Variants in CYREN observed in about 807,000 individuals in gnomAD.
CYREN encodes the protein cell cycle regulator of NHEJ.
A neutral mutation model predicts 9.7 loss-of-function variants in CYREN; 7 were observed. The ratio of observed to expected loss-of-function variants is 0.72; its 90% CI spans 0.41 to 1.36. The LOEUF (loss-of-function observed/expected upper bound fraction) is 1.36, where lower values mean the gene tolerates loss of function less well. CYREN is among the 40% of genes most tolerant of loss of function. The pLI is 0.01. For synonymous variants in CYREN, 76 were observed against 77.9 expected, an observed-to-expected ratio of 0.98 and a Z score of 0.13; for missense variants, 215 against 198.1, an observed-to-expected ratio of 1.09 and a Z score of -0.51.
At chr7:135,158,166 C>T (rs1167817724) in intron 2 of CYREN, among the ~76,000 whole-genome samples, 2 of 151,562 alleles carry the variant, frequency 1.3e-5, no homozygotes, top group African/African-American at 4.8e-5. Context: ...GGGCCTGTGA[C>T]CAGGAGGGCA....
At chr7:135,171,153 C>T (rs565079354), upstream of CYREN, among the ~76,000 whole-genome samples, 3 of 152,216 alleles carry the variant, frequency 2.0e-5, no homozygotes, top group African/African-American at 4.8e-5. Context: ...AATAGAATAG[C>T]GTAAGTACTA....
At chr7:135,109,073 G>C (rs1585165715) in intron 2 of CYREN, among the ~76,000 whole-genome samples, 1 of 152,080 alleles carries the variant, frequency 6.6e-6, no homozygotes, top group South Asian at 2.1e-4. Flanking sequence ...TATTTTGTTT[G>C]TCAGCTCCTG....
At chr7:135,114,593 A>G (rs1826063927) in intron 2 of CYREN, among the ~76,000 whole-genome samples, 1 of 151,808 alleles carries the variant, frequency 6.6e-6, no homozygotes, top group Admixed American at 6.6e-5. Context: ...TTATTCTCTC[A>G]TCTCACATCC....
chr7:135,100,954 T>C (rs1243070551), intron 2 of CYREN, among the ~76,000 whole-genome samples: 7 of 152,206 alleles, frequency 4.6e-5, no homozygotes, highest in Non-Finnish European at 1.0e-4. Context: ...GCACCAAGTA[T>C]GATAGTGTAT....
At chr7:135,124,829 C>T (rs1303961389) in intron 2 of CYREN, among the ~76,000 whole-genome samples, 1 of 152,126 alleles carries the variant, frequency 6.6e-6, no homozygotes. Flanking sequence ...AAGCAGAAAT[C>T]AAGAAGTTCT....
intron 2 of CYREN, among the ~76,000 whole-genome samples, chr7:135,127,806 C>G (rs903166001): frequency 5.9e-5 from 9 of 152,086 alleles, no homozygotes; most frequent in African/African-American, 2.2e-4. Context: ...ACCATTTGAC[C>G]CAGCAATCCC....
chr7:135,099,618 C>T (rs767601967), intron 2 of CYREN, among the ~76,000 whole-genome samples: 1 of 152,086 alleles, frequency 6.6e-6, no homozygotes, highest in Non-Finnish European at 1.5e-5. Context: ...CTACCTTACA[C>T]CTTTTCCTCT....
At chr7:135,114,513 A>T (rs1489828741) in intron 2 of CYREN, among the ~76,000 whole-genome samples, 1 of 13,084 alleles carries the variant, frequency 7.6e-5, no homozygotes, top group Non-Finnish European at 5.7e-3. Flanking sequence ...TGCTCTTCCC[A>T]GTCTCCCCCA....
intron 2 of CYREN, among the ~76,000 whole-genome samples, chr7:135,109,493 G>A (rs1049024754): frequency 6.6e-6 from 1 of 152,192 alleles, no homozygotes; most frequent in Non-Finnish European, 1.5e-5. Flanking sequence ...CCCGCTTTCT[G>A]TATGGCTGCT....
intron 2 of CYREN, 165 bp from the exon 3 acceptor site, chr7:135,167,972 C>G (rs1464783614): frequency 7.9e-7 from 1 of 1,261,716 alleles, no homozygotes; most frequent in African/African-American, 1.5e-5. Flanking sequence ...TTTCCTCAGC[C>G]TTGCAGCCCA....
At chr7:135,105,034 T>C (rs1824443450) in intron 2 of CYREN, among the ~76,000 whole-genome samples, 1 of 151,670 alleles carries the variant, frequency 6.6e-6, no homozygotes, top group Non-Finnish European at 1.5e-5. Flanking sequence ...CTAGGTTGTC[T>C]TCCAGGGTTT....
intron 2 of CYREN, among the ~76,000 whole-genome samples, chr7:135,150,785 G>A (rs567137149): frequency 6.6e-6 from 1 of 152,314 alleles, no homozygotes; most frequent in Admixed American, 6.5e-5. Context: ...GAACCCGGGA[G>A]GCAGAGATTG....
At chr7:135,146,422 G>A (rs752796928) in intron 2 of CYREN, among the ~76,000 whole-genome samples, 7 of 152,090 alleles carry the variant, frequency 4.6e-5, no homozygotes, top group Non-Finnish European at 1.0e-4. Context: ...GTGACACAGA[G>A]ACATGAAGTG....
intron 2 of CYREN, among the ~76,000 whole-genome samples, chr7:135,118,748 A>G (rs368386415): frequency 6.6e-6 from 1 of 152,188 alleles, no homozygotes; most frequent in East Asian, 1.9e-4. Flanking sequence ...CATAATTAAA[A>G]TGCTTCAAAA....
chr7:135,147,775 T>G (rs1318793403), intron 2 of CYREN: 1 of 456,230 alleles, frequency 2.2e-6, no homozygotes, highest in African/African-American at 2.0e-5. Flanking sequence ...CTGATGGGTT[T>G]CTTCTGAATA....
chr7:135,106,225 A>G (rs879744974), intron 2 of CYREN, among the ~76,000 whole-genome samples: 7 of 152,124 alleles, frequency 4.6e-5, no homozygotes, highest in Non-Finnish European at 8.8e-5. Flanking sequence ...TTATTTCTTT[A>G]TCTTGGCTGA....
Position 135,166,581 on chromosome 7 carries a change from C to T in CYREN, c.*30G>A, listed in dbSNP as rs986107609. The T allele has an allele frequency of 8.4e-6, 13 of 1,541,302 alleles. No homozygotes were observed. The highest frequency in any genetic ancestry group is 1.7e-4 in the Middle Eastern group (1 of 5,794). ...AGCTCAGCTGTCCTCCAGCTGCTCT[C>T]GGCAGACAGTTCAGTGCACAGTTTA... On this transcript the variant is annotated 3_prime_UTR_variant, in exon 4 of 4. Coordinates refer to ENST00000393114, the MANE Select transcript of CYREN (RefSeq NM_024033.4).
downstream of CYREN, chr7:135,164,304 A>C: frequency 1.2e-6 from 1 of 813,550 alleles, no homozygotes; most frequent in Non-Finnish European, 1.9e-6. Flanking sequence ...AGGGCAGGGT[A>C]GGAGGGAAAC....
intron 2 of CYREN, among the ~76,000 whole-genome samples, chr7:135,131,241 C>G (rs1828716709): frequency 6.6e-6 from 1 of 152,114 alleles, no homozygotes; most frequent in South Asian, 2.1e-4. Context: ...CATGTTTTCA[C>G]TCATAAGTGG....
Sources: allele counts gnomAD v4.1 joint callset (sites outside exome capture counted in the v4.1 genomes callset), GRCh38; gene constraint gnomAD v4.1.1; transcripts MANE v1.5; gene names NCBI Gene and HGNC (gene_info 2026-07-23, HGNC 2026-07-21).